The following KCNH5 variants were observed in gnomAD, a reference collection of about 807,000 sequenced individuals.
KCNH5 encodes potassium voltage-gated channel subfamily H member 5, also known as voltage-gated delayed rectifier potassium channel KCNH5.
In KCNH5, 46 loss-of-function variants were observed where a neutral mutation model predicts 96.1. The observed-to-expected ratio is 0.48, with a 90% CI of 0.38 to 0.61. The LOEUF is 0.61. Among genes scored for constraint, KCNH5 ranks in the 20% least tolerant of loss-of-function variants. The pLI is 0.00. For synonymous variants in KCNH5, 439 were observed against 449.8 expected, an observed-to-expected ratio of 0.98 and a Z score of 0.30; for missense variants, 907 against 1,225.8, an observed-to-expected ratio of 0.74 and a Z score of 3.88.
chr14:62,760,547 G>A (rs1164481646), intron 10 of KCNH5, among the ~76,000 whole-genome samples: 2 of 152,186 alleles, frequency 1.3e-5, no homozygotes, highest in Non-Finnish European at 2.9e-5. Flanking sequence ...TTCTACAGAT[G>A]ACATTACTCT....
At chr14:62,943,393 G>T (rs188577129) in intron 7 of KCNH5, among the ~76,000 whole-genome samples, 6 of 152,132 alleles carry the variant, frequency 3.9e-5, no homozygotes, top group Admixed American at 3.9e-4. Flanking sequence ...ACGTACTATG[G>T]TGCCTTCTGA....
intron 10 of KCNH5, 66 bp downstream of exon 10, chr14:62,779,662 G>T: frequency 7.5e-7 from 1 of 1,328,070 alleles, no homozygotes; most frequent in Non-Finnish European, 1.0e-6. Flanking sequence ...CTACTCTTCA[G>T]CTAATAGAGC....
chr14:62,826,689 TC>T (rs1413951777), intron 8 of KCNH5, among the ~76,000 whole-genome samples: 2 of 152,080 alleles, frequency 1.3e-5, no homozygotes, highest in Non-Finnish European at 2.9e-5. Flanking sequence ...TAACCCTTAA[TC>T]TTTTTTCCTT....
intron 9 of KCNH5, among the ~76,000 whole-genome samples, chr14:62,792,078 G>A (rs777512704): frequency 6.6e-6 from 1 of 151,302 alleles, no homozygotes; most frequent in African/African-American, 2.4e-5. Flanking sequence ...AACTGCAAGG[G>A]TCATAAAGTA....
At position 62,761,026 on chromosome 14, in the gene KCNH5, G is replaced by A. The variant is rs900505617; in HGVS notation, c.2019+18702C>T. Among the ~76,000 whole-genome samples the A allele has an allele frequency of 3.3e-5, 5 of 152,070 alleles. No individual in the cohort carries two copies. The East Asian group carries it at 9.6e-4, about 29-fold the overall frequency. On this transcript the variant is annotated intron_variant, in intron 10 of 10. Coordinates refer to ENST00000322893, the MANE Select transcript of KCNH5 (RefSeq NM_139318.5). ...AGCCTGAATTCACCATAAACACCTT[G>A]AAATCCCTCCTTTGAATAACCAAAT...
At chr14:62,761,939 G>T (rs888239341) in intron 10 of KCNH5, among the ~76,000 whole-genome samples, 3 of 152,154 alleles carry the variant, frequency 2.0e-5, no homozygotes, top group Admixed American at 6.5e-5. Context: ...GCATGGGACT[G>T]CCAAGCACCA....
chr14:63,006,244 C>G (rs1340692711), intron 3 of KCNH5, 122 bp downstream of exon 3: 9 of 480,244 alleles, frequency 1.9e-5, no homozygotes, highest in Non-Finnish European at 2.9e-5. Context: ...CAACCTCTGC[C>G]CCTGCCAAGA....
intron 6 of KCNH5, among the ~76,000 whole-genome samples, chr14:62,950,883 T>C (rs1246231804): frequency 6.6e-6 from 1 of 152,202 alleles, no homozygotes; most frequent in African/African-American, 2.4e-5. Flanking sequence ...TCAAATGCGT[T>C]ATATACAGAG....
At chr14:63,027,835 C>CT (rs901227969) in intron 1 of KCNH5, among the ~76,000 whole-genome samples, 7 of 151,874 alleles carry the variant, frequency 4.6e-5, no homozygotes, top group Non-Finnish European at 8.8e-5. Flanking sequence ...GTTTTTCAAA[C>CT]TTTTTTTATT....
chr14:62,835,384 T>G (rs1887444263), intron 8 of KCNH5, among the ~76,000 whole-genome samples: 1 of 152,060 alleles, frequency 6.6e-6, no homozygotes, highest in Non-Finnish European at 1.5e-5. Context: ...TTCTTAAAAT[T>G]GTAATGACCC....
intron 10 of KCNH5, among the ~76,000 whole-genome samples, chr14:62,743,956 A>T (rs1566646369): frequency 1.3e-5 from 2 of 151,108 alleles, no homozygotes; most frequent in Non-Finnish European, 2.9e-5. Context: ...TGAAACTACC[A>T]TTCAAAGATT....
intron 7 of KCNH5, among the ~76,000 whole-genome samples, chr14:62,909,314 G>A (rs1889104411): frequency 6.6e-6 from 1 of 151,792 alleles, no homozygotes; most frequent in Admixed American, 6.6e-5. Context: ...CAAAGTGCTG[G>A]GATTACAGGC....
chr14:62,945,179 A>C (rs1889863136), intron 7 of KCNH5, among the ~76,000 whole-genome samples: 1 of 152,178 alleles, frequency 6.6e-6, no homozygotes, highest in South Asian at 2.1e-4. Context: ...TTCAGAAGGT[A>C]GATGGTAAGA....
chr14:62,779,863 C>G lies in KCNH5; in HGVS notation c.1884G>C (p.Ala628=). The change falls in exon 10 of 11, where the codon GCG becomes GCC. Residue 628 remains alanine, a synonymous_variant. Coordinates refer to ENST00000322893, the MANE Select transcript of KCNH5 (RefSeq NM_139318.5). ...WKETTLAHAC[A]NVRALTYCDL... is the part of the protein sequence containing the mutation. ...CACAGTACGTCAGTGCCCGGACGTT[C>G]GCACATGCATGGGCAAGGGTGGTTT... 4 of 1,613,546 alleles carry G rather than the reference C, an allele frequency of 2.5e-6. No individual in the cohort carries two copies. Among genetic ancestry groups the G allele is most frequent in the Non-Finnish European group, 3.4e-6 (4 of 1,179,708 alleles).
intron 8 of KCNH5, among the ~76,000 whole-genome samples, chr14:62,828,015 T>C (rs2140024582): frequency 6.6e-6 from 1 of 152,154 alleles, no homozygotes; most frequent in East Asian, 1.9e-4. Context: ...TTATGTCCCT[T>C]ACATAATATG....
chr14:62,974,142 G>C (rs1048665175), intron 6 of KCNH5, among the ~76,000 whole-genome samples: 1 of 152,124 alleles, frequency 6.6e-6, no homozygotes, highest in Non-Finnish European at 1.5e-5. Flanking sequence ...AGCAGTCATT[G>C]TTCTATTCAT....
chr14:62,873,116 C>G (rs2140068271), intron 7 of KCNH5, among the ~76,000 whole-genome samples: 1 of 148,900 alleles, frequency 6.7e-6, no homozygotes, highest in East Asian at 2.0e-4. Flanking sequence ...CGCCACTGCA[C>G]TCCAGCCTGG....
intron 8 of KCNH5, among the ~76,000 whole-genome samples, chr14:62,819,788 T>G (rs1887076779): frequency 6.6e-6 from 1 of 152,194 alleles, no homozygotes; most frequent in Admixed American, 6.5e-5. Flanking sequence ...TCTGCATACT[T>G]ATGACTTGAA....
chr14:62,850,858 T>C (rs1887789848), intron 7 of KCNH5, among the ~76,000 whole-genome samples: 1 of 152,208 alleles, frequency 6.6e-6, no homozygotes, highest in South Asian at 2.1e-4. Context: ...AGGCATTTCA[T>C]AAGCATTTCA....
Sources: gnomAD v4.1 joint callset for allele counts (sites outside exome capture counted in the v4.1 genomes callset) on GRCh38, gnomAD v4.1.1 for gene constraint, MANE v1.5 for transcripts, NCBI Gene and HGNC (gene_info 2026-07-23, HGNC 2026-07-21) for gene names.